Variants in ANKHD1 observed in about 807,000 individuals in gnomAD.
ANKHD1 encodes ankyrin repeat and KH domain-containing protein 1.
Under a neutral mutation model 230.5 loss-of-function variants are expected in ANKHD1, and 31 were observed. The observed-to-expected ratio is 0.13, with a 90% CI of 0.10 to 0.18. The LOEUF (loss-of-function observed/expected upper bound fraction) is 0.18, where lower values mean the gene tolerates loss of function less well. Among genes scored for constraint, ANKHD1 ranks in the 10% least tolerant of loss-of-function variants. ANKHD1 has a pLI of 1.00. For synonymous variants in ANKHD1, 1,074 were observed against 1,117.6 expected (o/e 0.96, Z 0.78); for missense variants, 2,256 against 3,071.3 (o/e 0.73, Z 6.27).
At chr5:140,528,126 AC>A in intron 28 of ANKHD1, 57 bp from the exon 29 acceptor site, 1 of 1,427,616 alleles carries the variant, frequency 7.0e-7, no homozygotes, top group Non-Finnish European at 9.3e-7. Context: ...GGTTAAGATT[AC>A]CTTTTTTTTT....
At chr5:140,490,248 C>T (rs1384121121) in intron 14 of ANKHD1, among the ~76,000 whole-genome samples, 1 of 152,124 alleles carries the variant, frequency 6.6e-6, no homozygotes, top group Non-Finnish European at 1.5e-5. Flanking sequence ...TTTTCAGGTT[C>T]TTATAACATT....
intron 1 of ANKHD1, among the ~76,000 whole-genome samples, chr5:140,419,166 A>G (rs1198523481): frequency 1.3e-5 from 2 of 149,218 alleles, no homozygotes; most frequent in African/African-American, 4.9e-5. Flanking sequence ...CAGCCATTCT[A>G]GTGAGTGTGA....
At chr5:140,428,667 G>A (rs1048726839) in intron 1 of ANKHD1, among the ~76,000 whole-genome samples, 2 of 152,086 alleles carry the variant, frequency 1.3e-5, no homozygotes, top group Non-Finnish European at 2.9e-5. Flanking sequence ...GGGAGAGGGC[G>A]AGGGCGAGGG....
chr5:140,427,723 G>A (rs1175036121), intron 1 of ANKHD1, among the ~76,000 whole-genome samples: 2 of 148,008 alleles, frequency 1.4e-5, no homozygotes, highest in Non-Finnish European at 3.0e-5. Flanking sequence ...AGGGGCGGCC[G>A]GGCAGAGGCG....
In ANKHD1 at chr5:140,507,496, G is replaced by A. The variant is rs1752590372; in HGVS notation, c.3552-289G>A. ...CTAATTTTGTATTTGTAGTAGAGATGGGGTTTCTCCATGTTGGTCAGGCTG... is the reference window on the plus strand; with the variant it reads ...CTAATTTTGTATTTGTAGTAGAGATAGGGTTTCTCCATGTTGGTCAGGCTG... On this transcript the variant is annotated intron_variant, in intron 19 of 33. Coordinates refer to ENST00000360839, the MANE Select transcript of ANKHD1 (RefSeq NM_017747.3). This position sits in a 1 kb window ranked among gnomAD's most constrained non-coding sequence, Gnocchi z 4.1. 6.6e-6 allele frequency among the ~76,000 whole-genome samples: 1 copy of A among 151,968 alleles called. No homozygotes were observed. Among genetic ancestry groups the A allele is most frequent in the African/African-American group, 2.4e-5 (1 of 41,396 alleles).
At chr5:140,407,774 A>G (rs189430537) in intron 1 of ANKHD1, among the ~76,000 whole-genome samples, 3 of 152,272 alleles carry the variant, frequency 2.0e-5, no homozygotes, top group East Asian at 1.9e-4. Flanking sequence ...CAGTTTCTAA[A>G]GAAAAGATTG....
Position 140,509,809 on chromosome 5 carries a change from A to T in ANKHD1, c.3938A>T (p.His1313Leu), listed in dbSNP as rs150870721. 83 of 1,609,380 alleles carry T rather than the reference A, an allele frequency of 5.2e-5. No homozygotes were observed. Among genetic ancestry groups the T allele is most frequent in the Non-Finnish European group, 6.7e-5 (79 of 1,179,052 alleles). ...GHYKFCELLIHRGAHIDVRNK... is the reference protein window; with the variant it reads ...GHYKFCELLILRGAHIDVRNK... ...TACAAATTTTGTGAACTCCTGATTC[A>T]TAGGTGAGTACTTTTCTATTATATG... Residue 1313 changes from histidine to leucine, a missense_variant, in exon 21 of 34, where the codon CAT (histidine) becomes CTT (leucine). Transcript: ENST00000360839.
At chr5:140,482,433 AT>A in intron 10 of ANKHD1, 146 bp from the exon 11 acceptor site, 2 of 805,448 alleles carry the variant, frequency 2.5e-6, no homozygotes, top group East Asian at 6.2e-5. Flanking sequence ...ATCCTGTATA[AT>A]GGGGGAATTG....
intron 13 of ANKHD1, among the ~76,000 whole-genome samples, chr5:140,486,340 C>A (rs996744493): frequency 6.6e-6 from 1 of 152,188 alleles, no homozygotes; most frequent in Non-Finnish European, 1.5e-5. Context: ...GCTGGAATTA[C>A]AGGCGTGAGC....
At chr5:140,458,269 C>A (rs192097519) in intron 7 of ANKHD1, among the ~76,000 whole-genome samples, 225 of 152,182 alleles carry the variant, frequency 1.5e-3, no homozygotes, top group African/African-American at 5.3e-3. Flanking sequence ...GTAGTATAAT[C>A]TTGTTATTTT....
At chr5:140,474,399 GA>G (rs1465556519) in intron 10 of ANKHD1, among the ~76,000 whole-genome samples, 4 of 152,116 alleles carry the variant, frequency 2.6e-5, no homozygotes. Context: ...AACTCCAAAA[GA>G]CATTGCCTCT....
At chr5:140,537,356 C>T (rs372153283) in intron 30 of ANKHD1, 33 bp from the exon 31 acceptor site, 148 of 1,609,580 alleles carry the variant, frequency 9.2e-5, no homozygotes, top group Non-Finnish European at 1.2e-4. Context: ...CCTATTCCAT[C>T]TGTTTCTTCG....
At chr5:140,537,644 G>T in intron 31 of ANKHD1, 55 bp downstream of exon 31, 1 of 1,478,844 alleles carries the variant, frequency 6.8e-7, no homozygotes, top group Non-Finnish European at 9.0e-7. Context: ...CTGTAGGTTT[G>T]CCATTAAAAC....
rs373990442 is a variant in ANKHD1, at chr5:140,458,792, A to G, written c.1410A>G (p.Glu470=). 2.0e-5 allele frequency: 32 copies of G among 1,613,240 alleles called. No homozygotes were observed. The highest frequency in any genetic ancestry group is 2.2e-5 in the Non-Finnish European group (26 of 1,179,748). Residue 470 remains glutamate, a synonymous_variant, in exon 8 of 34, where the codon GAA becomes GAG. Transcript: ENST00000360839. ...RGANLEEVND[E]GYTPLMEAAR... ...CAAATCTTGAAGAAGTTAATGATGA[A>G]GGATACACTCCCTTGATGGAAGCTG... is the stretch of plus-strand genomic sequence containing the variant.
intron 1 of ANKHD1, among the ~76,000 whole-genome samples, chr5:140,419,454 C>CTTTTTTTTTT (rs144115557): frequency 2.1e-4 from 27 of 131,624 alleles, no homozygotes; most frequent in Non-Finnish European, 2.4e-4. Context: ...TTCTTTCTTT[C>CTTTTTTTTTT]TTTTTTTTTT....
rs752533416 is a variant in ANKHD1 at position 140,496,830 on chromosome 5, A to G, written c.2556A>G (p.Gln852=). 1.1e-5 allele frequency: 17 copies of G among 1,614,024 alleles called. No individual in the cohort carries two copies. The highest frequency in any genetic ancestry group is 3.3e-5 in the Admixed American group (2 of 60,004). The change falls in exon 15 of 34, where the codon CAA becomes CAG. Residue 852 remains glutamine, a synonymous_variant. Transcript: ENST00000360839. ...ERQLQMKTQQ[Q]FTKEYLETKG... is the part of the protein sequence containing the mutation. The stretch of plus-strand genomic sequence containing the variant: ...AGTTGCAGATGAAAACACAGCAGCA[A>G]TTTACCAAAGAATACTTGGAAACCA...
intron 7 of ANKHD1, among the ~76,000 whole-genome samples, chr5:140,456,211 G>T (rs1303707017): frequency 6.6e-6 from 1 of 152,140 alleles, no homozygotes; most frequent in Non-Finnish European, 1.5e-5. Context: ...AAATAAAAGA[G>T]GATACAAACA....
intron 30 of ANKHD1, 187 bp downstream of exon 30, chr5:140,535,725 C>G: frequency 1.1e-6 from 1 of 890,444 alleles, no homozygotes; most frequent in East Asian, 3.7e-5. Context: ...ATTATTCTTT[C>G]AAGCCAAAAA....
At chr5:140,517,187 CAAAG>C (rs1473803553) in intron 24 of ANKHD1, among the ~76,000 whole-genome samples, 45 of 145,748 alleles carry the variant, frequency 3.1e-4, no homozygotes, top group African/African-American at 1.1e-3. Context: ...TCAAAAGAGA[CAAAG>C]AAGGCCATTA....
Sources: allele counts gnomAD v4.1 joint callset (sites outside exome capture counted in the v4.1 genomes callset), GRCh38; gene constraint gnomAD v4.1.1; non-coding constraint Gnocchi (gnomAD v3.1); transcripts MANE v1.5; gene names NCBI Gene and HGNC (gene_info 2026-07-23, HGNC 2026-07-21).